Variants in KIR2DL3 observed in about 807,000 individuals in gnomAD.
KIR2DL3 encodes killer cell immunoglobulin like receptor, two Ig domains and long cytoplasmic tail 3, also known as killer cell immunoglobulin-like receptor 2DL3.
In KIR2DL3, 39 loss-of-function variants were observed where a neutral mutation model predicts 33.8. The ratio of observed to expected loss-of-function variants is 1.15; its 90% CI spans 0.89 to 1.51. The LOEUF is 1.51. Among genes scored for constraint, KIR2DL3 ranks in the 40% most tolerant of loss-of-function variants. The probability of loss-of-function intolerance (pLI) is 0.00; values close to 1 mark genes in which losing one functional copy is unlikely to be tolerated. For missense variants in KIR2DL3, 462 were observed against 426.2 expected (o/e 1.08, Z -0.74); for synonymous variants, 174 against 160.2 (o/e 1.09, Z -0.65).
In KIR2DL3 at chr19:54,752,456, G is replaced by A. The variant is rs766201263; in HGVS notation, c.963G>A (p.Gln321=). 12 of 1,465,678 alleles carry A rather than the reference G, an allele frequency of 8.2e-6. No homozygotes were observed. The highest frequency in any genetic ancestry group is 1.1e-5 in the Non-Finnish European group (12 of 1,077,532). The allele number at this position is 1,465,678 out of a possible 1,614,324, so 90.8% of individuals were successfully genotyped here. A position where few individuals can be genotyped will look rare whatever the true frequency, so the allele number is the denominator to read the frequency against. ...AGAGAAAAATCACTCGCCCTTCTCA[G>A]AGGCCCAAGACACCCCCAACAGATA... ...FTQRKITRPS[Q]RPKTPPTDII... Residue 321 remains glutamine (Q), a synonymous_variant, in exon 8 of 8, where the codon CAG becomes CAA. Coordinates refer to ENST00000342376, the MANE Select transcript of KIR2DL3 (RefSeq NM_015868.3).
chr19:54,747,269 A>G, intron 4 of KIR2DL3, 66 bp from the exon 5 acceptor site: 1 of 1,591,888 alleles, frequency 6.3e-7, no homozygotes, highest in Admixed American at 1.7e-5. Context: ...ACCAACCTCA[A>G]AGATTTCCAT....
chr19:54,739,209 T>C (rs1242375770), intron 1 of KIR2DL3, among the ~76,000 whole-genome samples: 3 of 149,632 alleles, frequency 2.0e-5, no homozygotes, highest in African/African-American at 7.4e-5. Flanking sequence ...GGCGGAGATA[T>C]GGGACTGGAT....
chr19:54,742,852 C>A (rs1267405999), intron 3 of KIR2DL3, among the ~76,000 whole-genome samples: 1 of 151,102 alleles, frequency 6.6e-6, no homozygotes, highest in Non-Finnish European at 1.5e-5. Flanking sequence ...TTCCAAATAA[C>A]CCCACATATG....
At chr19:54,751,568 C>T in intron 5 of KIR2DL3, 81 bp from the exon 6 acceptor site, 1 of 1,168,374 alleles carries the variant, frequency 8.6e-7, no homozygotes, top group Non-Finnish European at 1.2e-6. Context: ...ATGTGGTTAC[C>T]TGTCAATCAA....
At chr19:54,743,206 A>T (rs1389088349) in intron 3 of KIR2DL3, among the ~76,000 whole-genome samples, 13 of 152,326 alleles carry the variant, frequency 8.5e-5, no homozygotes, top group African/African-American at 3.1e-4. Flanking sequence ...TAGGTTAAAG[A>T]TACATAGATG....
At chr19:54,746,549 C>T (rs1282437463) in intron 4 of KIR2DL3, among the ~76,000 whole-genome samples, 1 of 147,650 alleles carries the variant, frequency 6.8e-6, no homozygotes, top group African/African-American at 2.5e-5. Context: ...ATCTTTAATC[C>T]ATTTTCATTT....
At chr19:54,738,918 ATGGGCC>A (rs2070368005) in intron 1 of KIR2DL3, among the ~76,000 whole-genome samples, 11,381 of 96,748 alleles carry the variant, frequency 0.12, 8 homozygotes, top group South Asian at 0.15. Context: ...GAGTGGAGAT[ATGGGCC>A]TGGAGGTGGA....
chr19:54,740,848 GT>G (rs1325376417), intron 2 of KIR2DL3, among the ~76,000 whole-genome samples: 5 of 151,952 alleles, frequency 3.3e-5, no homozygotes, highest in Non-Finnish European at 5.9e-5. Flanking sequence ...AATCACAAGG[GT>G]GCACATGAAA....
Position 54,743,780 on chromosome 19 carries a change from C to T in KIR2DL3, c.371-15C>T, listed in dbSNP as rs2071652517. 1.9e-6 allele frequency: 3 copies of T among 1,557,372 alleles called. No individual in the cohort carries two copies. Among genetic ancestry groups the T allele is most frequent in the South Asian group, 1.2e-5 (1 of 85,934 alleles). ...AGGAAGATCCTCCGTAAGGAAAATG[C>T]CTCTTCTCCTCCAGGTCTATATGAG... On this transcript the variant is annotated splice_polypyrimidine_tract_variant and intron_variant, in intron 3 of 7. Transcript: ENST00000342376.
rs148053812 is a variant in KIR2DL3 at position 54,750,487 on chromosome 19, G to T, written c.716-1162G>T. On this transcript the variant is annotated intron_variant, in intron 5 of 7. Coordinates refer to ENST00000342376, the MANE Select transcript of KIR2DL3 (RefSeq NM_015868.3). ...TATTTCCTGGCCATTTGACATAAGA[G>T]AATTCTACTTAGCTTTTTTTATCTT... 4.3e-3 allele frequency among the ~76,000 whole-genome samples: 603 copies of T among 138,628 alleles called. 59 individuals carry two copies. The highest frequency in any genetic ancestry group is 0.015 in the African/African-American group (560 of 36,884). The allele number at this position is 138,628 out of a possible 152,430, so 90.9% of individuals were successfully genotyped here.
intron 4 of KIR2DL3, among the ~76,000 whole-genome samples, chr19:54,746,664 G>T (rs1420123969): frequency 6.7e-6 from 1 of 149,624 alleles, no homozygotes; most frequent in South Asian, 2.2e-4. Flanking sequence ...TTTCCTGATT[G>T]TGAGTTCTTG....
intron 5 of KIR2DL3, 102 bp from the exon 6 acceptor site, chr19:54,751,547 A>AG: frequency 2.0e-6 from 2 of 998,400 alleles, no homozygotes; most frequent in Admixed American, 4.0e-5. Context: ...CTTGTCCTAA[A>AG]GGGGTGTTGT....
chr19:54,744,474 G>C lies in KIR2DL3; in HGVS notation c.664+386G>C, dbSNP rs1413033614. On this transcript the variant is annotated intron_variant, in intron 4 of 7. Coordinates refer to ENST00000342376, the MANE Select transcript of KIR2DL3 (RefSeq NM_015868.3). ...AGCAACCCCTACACCCTTTACTTTT[G>C]TTTGAAGAAATATTTATTGAGGATA... 7.9e-5 allele frequency among the ~76,000 whole-genome samples: 12 copies of C among 150,996 alleles called. No homozygotes were observed. The East Asian group carries it at 8.0e-4, about 10-fold the overall frequency.
intron 5 of KIR2DL3, among the ~76,000 whole-genome samples, chr19:54,747,591 G>A (rs2072750819): frequency 6.6e-6 from 1 of 152,148 alleles, no homozygotes; most frequent in African/African-American, 2.4e-5. Flanking sequence ...TTATGGAGCT[G>A]AGACCTCCTA....
At chr19:54,749,529 C>T (rs1029127759) in intron 5 of KIR2DL3, among the ~76,000 whole-genome samples, 1 of 114,278 alleles carries the variant, frequency 8.8e-6, no homozygotes, top group African/African-American at 3.1e-5. Context: ...TTTATTCATC[C>T]TACACATAAA....
At chr19:54,746,387 C>T (rs1471293282) in intron 4 of KIR2DL3, among the ~76,000 whole-genome samples, 1 of 141,566 alleles carries the variant, frequency 7.1e-6, no homozygotes, top group Non-Finnish European at 1.6e-5. Context: ...GCAGAAGTTG[C>T]TTAGTTTGAG....
At chr19:54,744,870 T>TTTTATATATATATA (rs1257076612) in intron 4 of KIR2DL3, among the ~76,000 whole-genome samples, 1 of 78,426 alleles carries the variant, frequency 1.3e-5, no homozygotes, top group Non-Finnish European at 2.6e-5. Flanking sequence ...ATAAATACAT[T>TTTTATATATATATA]TATATATATA....
chr19:54,750,745 C>T (rs2147175368), intron 5 of KIR2DL3, among the ~76,000 whole-genome samples: 1 of 138,218 alleles, frequency 7.2e-6, no homozygotes, highest in South Asian at 2.4e-4. Flanking sequence ...AGGTTCATTA[C>T]TAACAGATAA....
At position 54,751,019 on chromosome 19, in the gene KIR2DL3, C is replaced by T. The variant is rs796553993; in HGVS notation, c.716-630C>T. Among the ~76,000 whole-genome samples, 247 of 110,880 alleles carry T rather than the reference C, an allele frequency of 2.2e-3. 1 individual carries two copies. The highest frequency in any genetic ancestry group is 5.4e-3 in the South Asian group (15 of 2,760). The allele number at this position is 110,880 out of a possible 152,430, so 72.7% of individuals were successfully genotyped here. ...GATCTCAGGACGTTGCTGTCTTAGT[C>T]CATTTTTGTTGCTCTAAAGGAACAC... On this transcript the variant is annotated intron_variant, in intron 5 of 7. Transcript: ENST00000342376.
Sources: gnomAD v4.1 joint callset for allele counts (sites outside exome capture counted in the v4.1 genomes callset) on GRCh38, gnomAD v4.1.1 for gene constraint, MANE v1.5 for transcripts, NCBI Gene and HGNC (gene_info 2026-07-23, HGNC 2026-07-21) for gene names.